CDH4: variants seen among roughly 807,000 people sequenced by gnomAD.
CDH4 encodes the protein cadherin 4, also known as cadherin-4.
CDH4 carries 33 observed loss-of-function variants against 86.0 expected under a neutral mutation model. That is an observed-to-expected ratio of 0.38 (90% CI 0.29 to 0.51). CDH4 has a LOEUF of 0.51. Ranked by LOEUF, CDH4 falls within the 20% of genes least tolerant of loss-of-function variation. The pLI, the probability that CDH4 is intolerant of heterozygous loss-of-function variation, is 0.86. For missense variants in CDH4, 1,114 were observed against 1,307.4 expected, an observed-to-expected ratio of 0.85 and a Z score of 2.28; for synonymous variants, 555 against 549.4, an observed-to-expected ratio of 1.01 and a Z score of -0.14.
intron 5 of CDH4, among the ~76,000 whole-genome samples, chr20:61,851,224 C>T (rs1042409894): frequency 2.6e-5 from 4 of 152,230 alleles, no homozygotes; most frequent in Non-Finnish European, 5.9e-5. Flanking sequence ...TGCAGTTCCT[C>T]CAGGAGTCAG....
intron 2 of CDH4, among the ~76,000 whole-genome samples, chr20:61,683,829 C>A (rs181456349): frequency 6.6e-6 from 1 of 152,350 alleles, no homozygotes; most frequent in East Asian, 1.9e-4. Context: ...ATTGTCTGTT[C>A]TTGTACAAGC....
chr20:61,861,784 G>A (rs1250402827), intron 6 of CDH4, among the ~76,000 whole-genome samples: 1 of 152,220 alleles, frequency 6.6e-6, no homozygotes, highest in Non-Finnish European at 1.5e-5. Flanking sequence ...GCAATGTGTA[G>A]CATGGGCAGT....
At chr20:61,701,604 C>T (rs937442845) in intron 2 of CDH4, among the ~76,000 whole-genome samples, 5 of 152,352 alleles carry the variant, frequency 3.3e-5, no homozygotes, top group African/African-American at 9.6e-5. Context: ...GCCTTCCAGC[C>T]AGCACAGCGG....
intron 2 of CDH4, among the ~76,000 whole-genome samples, chr20:61,378,514 A>G (rs1337289043): frequency 6.6e-6 from 1 of 152,038 alleles, no homozygotes; most frequent in East Asian, 1.9e-4. Context: ...ACATCACTCT[A>G]GTCTCTGTCT....
intron 10 of CDH4, among the ~76,000 whole-genome samples, 186 bp from the exon 11 acceptor site, chr20:61,924,148 G>A (rs1003908637): frequency 5.3e-5 from 8 of 152,158 alleles, no homozygotes; most frequent in Middle Eastern, 3.4e-3. Flanking sequence ...TTGTGGGGCC[G>A]GGGGGGAGGG....
At chr20:61,667,039 C>T (rs902237945) in intron 2 of CDH4, among the ~76,000 whole-genome samples, 6 of 152,362 alleles carry the variant, frequency 3.9e-5, no homozygotes, top group African/African-American at 7.2e-5. Context: ...CTGTATGGAC[C>T]GTGCCCTTTG....
At chr20:61,506,479 A>G (rs561801773) in intron 2 of CDH4, among the ~76,000 whole-genome samples, 3 of 152,384 alleles carry the variant, frequency 2.0e-5, no homozygotes, top group East Asian at 3.9e-4. Context: ...AATACATTAC[A>G]TCGTATCCAC....
chr20:61,663,500 G>A lies in CDH4; in HGVS notation c.170-80063G>A, dbSNP rs764469941. 9.9e-5 allele frequency among the ~76,000 whole-genome samples: 15 copies of A among 152,052 alleles called. No individual in the cohort carries two copies. The highest frequency in any genetic ancestry group is 1.9e-4 in the Non-Finnish European group (13 of 68,004). ...AGGGTCCTAGAAATGCCAATGCTGG[G>A]GATGCCGCCGAGTGGGTCAGAGGGG... On this transcript the variant is annotated intron_variant, in intron 2 of 15. Transcript: ENST00000614565. The surrounding 1 kb of genome is among the most constrained non-coding windows in gnomAD (Gnocchi z 5.0).
At chr20:61,691,422 T>G (rs563105798) in intron 2 of CDH4, among the ~76,000 whole-genome samples, 2 of 151,666 alleles carry the variant, frequency 1.3e-5, no homozygotes, top group Non-Finnish European at 2.9e-5. Context: ...TGTGGATGTG[T>G]GTGTGCGTGT....
chr20:61,381,599 A>T (rs1442329498), intron 2 of CDH4, among the ~76,000 whole-genome samples: 1 of 152,162 alleles, frequency 6.6e-6, no homozygotes, highest in Non-Finnish European at 1.5e-5. Flanking sequence ...CTATGATGGA[A>T]CGCTGCTCTA....
chr20:61,669,976 A>G (rs1476782585), intron 2 of CDH4, among the ~76,000 whole-genome samples: 1 of 152,064 alleles, frequency 6.6e-6, no homozygotes. Flanking sequence ...AGCTGTGTGG[A>G]TCGGCCAGGC....
chr20:61,669,148 C>T (rs73148395), intron 2 of CDH4, among the ~76,000 whole-genome samples: 17,008 of 152,280 alleles, frequency 0.11, 1,146 homozygotes, highest in African/African-American at 0.18. Context: ...GGGCACACCT[C>T]GGGGCAATAA....
chr20:61,869,957 C>T (rs575669392), intron 6 of CDH4, among the ~76,000 whole-genome samples: 14 of 152,248 alleles, frequency 9.2e-5, no homozygotes, highest in Non-Finnish European at 1.3e-4. Context: ...CCTGTGGAGG[C>T]GGAGGAGGGG....
intron 2 of CDH4, among the ~76,000 whole-genome samples, chr20:61,452,331 C>T (rs1479206358): frequency 6.6e-6 from 1 of 152,148 alleles, no homozygotes; most frequent in Non-Finnish European, 1.5e-5. Flanking sequence ...TTAAGGATTT[C>T]CTTACACTGC....
rs1374899970 is a variant in CDH4 at position 61,708,097 on chromosome 20, G to A, written c.170-35466G>A. ...GACCTGGGCTCTGCTGGGGGTCCCGGGCTGTGGCGCGTCTCCCTGGGCATA... is the reference window on the plus strand; with the variant it reads ...GACCTGGGCTCTGCTGGGGGTCCCGAGCTGTGGCGCGTCTCCCTGGGCATA... On this transcript the variant is annotated intron_variant, in intron 2 of 15. Transcript: ENST00000614565. This position sits in a 1 kb window ranked among gnomAD's most constrained non-coding sequence, Gnocchi z 4.5. 1.3e-5 allele frequency among the ~76,000 whole-genome samples: 2 copies of A among 152,128 alleles called. No individual in the cohort carries two copies. Among genetic ancestry groups the A allele is most frequent in the East Asian group, 3.9e-4 (2 of 5,170 alleles).
intron 2 of CDH4, among the ~76,000 whole-genome samples, chr20:61,627,989 TCACA>T (rs2086846510): frequency 6.6e-6 from 1 of 151,954 alleles, no homozygotes. Context: ...CCCTACCTCC[TCACA>T]CAGCACAAAG....
chr20:61,777,811 AAC>A lies in CDH4; in HGVS notation c.576+4635_576+4636del, dbSNP rs140276508. Among the ~76,000 whole-genome samples, 6 of 128,316 alleles carry A rather than the reference AAC, an allele frequency of 4.7e-5. 2 individuals carry two copies. The highest frequency in any genetic ancestry group is 8.4e-5 in the Non-Finnish European group (5 of 59,804). 84.2% of individuals were successfully genotyped at this position (128,316 alleles called of 152,430 possible). A position where few individuals can be genotyped will look rare whatever the true frequency, so the allele number is the denominator to read the frequency against. ...ACATGCGCACACACGTGCATACAAA[AAC>A]ACACATCCACATGCGCACGCACTTG... On this transcript the variant is annotated intron_variant, in intron 4 of 15. Transcript: ENST00000614565.
chr20:61,379,129 G>A (rs560258289), intron 2 of CDH4, among the ~76,000 whole-genome samples: 7 of 145,852 alleles, frequency 4.8e-5, no homozygotes, highest in South Asian at 4.7e-4. Flanking sequence ...AACTGGGCAC[G>A]TGGCCTGCCT....
At chr20:61,435,063 A>G (rs1489333945) in intron 2 of CDH4, among the ~76,000 whole-genome samples, 1 of 152,118 alleles carries the variant, frequency 6.6e-6, no homozygotes, top group African/African-American at 2.4e-5. Context: ...CCCCCGCTTC[A>G]CGTTCACGAG....
Sources: allele counts gnomAD v4.1 joint callset (sites outside exome capture counted in the v4.1 genomes callset), GRCh38; gene constraint gnomAD v4.1.1; non-coding constraint Gnocchi (gnomAD v3.1); transcripts MANE v1.5; gene names NCBI Gene and HGNC (gene_info 2026-07-23, HGNC 2026-07-21).